The following LRRTM4 variants were observed in gnomAD, a reference collection of about 807,000 sequenced individuals.
LRRTM4 encodes leucine rich repeat transmembrane neuronal 4.
A neutral mutation model predicts 47.6 loss-of-function variants in LRRTM4; 25 were observed. The observed-to-expected ratio is 0.53, with a 90% CI of 0.38 to 0.73. LRRTM4 has a LOEUF of 0.73. Among genes scored for constraint, LRRTM4 ranks in the 30% least tolerant of loss-of-function variants. LRRTM4 has a pLI of 0.00. For synonymous variants in LRRTM4, 311 were observed against 269.5 expected (o/e 1.15, Z -1.51); for missense variants, 638 against 713.4 (o/e 0.89, Z 1.20).
At chr2:77,125,364 G>T (rs376090248) in intron 3 of LRRTM4, among the ~76,000 whole-genome samples, 107 of 152,266 alleles carry the variant, frequency 7.0e-4, no homozygotes, top group African/African-American at 2.4e-3. Flanking sequence ...ACAGATAGAG[G>T]TGCACATGAG....
chr2:76,972,508 C>G (rs1490757732), intron 3 of LRRTM4, among the ~76,000 whole-genome samples: 1 of 149,114 alleles, frequency 6.7e-6, no homozygotes, highest in African/African-American at 2.5e-5. Flanking sequence ...ACCTCTGCCT[C>G]CTGAGTTCAA....
intron 3 of LRRTM4, among the ~76,000 whole-genome samples, chr2:76,916,545 TAAATC>T (rs1174935512): frequency 6.6e-6 from 1 of 151,962 alleles, no homozygotes; most frequent in Non-Finnish European, 1.5e-5. Flanking sequence ...CAAGGGAAAA[TAAATC>T]AAATAGGCAA....
chr2:77,026,793 A>C (rs1196345230), intron 3 of LRRTM4, among the ~76,000 whole-genome samples: 1 of 152,148 alleles, frequency 6.6e-6, no homozygotes, highest in Non-Finnish European at 1.5e-5. Context: ...TGGGGAAGCC[A>C]CAATGTTAGA....
intron 3 of LRRTM4, among the ~76,000 whole-genome samples, chr2:76,942,599 C>G (rs1252300785): frequency 6.6e-6 from 1 of 150,756 alleles, no homozygotes. Flanking sequence ...GCTTCAACCC[C>G]AACATTTATG....
chr2:77,102,856 T>A (rs953300194), intron 3 of LRRTM4, among the ~76,000 whole-genome samples: 2 of 152,158 alleles, frequency 1.3e-5, no homozygotes, highest in African/African-American at 2.4e-5. Flanking sequence ...CTTATTTAAA[T>A]ATAGTCACAC....
At chr2:76,898,130 A>G (rs1164237644) in intron 3 of LRRTM4, among the ~76,000 whole-genome samples, 3 of 152,170 alleles carry the variant, frequency 2.0e-5, no homozygotes, top group Admixed American at 2.0e-4. Context: ...ATCTTGTTAT[A>G]CCCTTGTTTT....
chr2:77,269,190 TA>T (rs1676128655), intron 3 of LRRTM4, among the ~76,000 whole-genome samples: 1 of 152,174 alleles, frequency 6.6e-6, no homozygotes, highest in Non-Finnish European at 1.5e-5. Flanking sequence ...AACTGGTATT[TA>T]TTTGTGCATT....
At chr2:77,437,711 C>A (rs1224051479) in intron 3 of LRRTM4, among the ~76,000 whole-genome samples, 1 of 152,068 alleles carries the variant, frequency 6.6e-6, no homozygotes, top group Non-Finnish European at 1.5e-5. Flanking sequence ...TATTTAATGA[C>A]TATCTAGTTT....
At chr2:77,443,483 G>A (rs1675926451) in intron 3 of LRRTM4, among the ~76,000 whole-genome samples, 1 of 152,066 alleles carries the variant, frequency 6.6e-6, no homozygotes, top group Non-Finnish European at 1.5e-5. Flanking sequence ...TAGTAAAATG[G>A]ATGTTATAAA....
At chr2:76,780,042 C>G (rs1462681917) in intron 3 of LRRTM4, among the ~76,000 whole-genome samples, 2 of 152,246 alleles carry the variant, frequency 1.3e-5, no homozygotes, top group Non-Finnish European at 2.9e-5. Context: ...GCTGGATATG[C>G]AATTCTGGGT....
In LRRTM4 at chr2:77,519,253, T is replaced by G; in HGVS notation, c.616A>C (p.Lys206Gln). The change falls in exon 3 of 4, where the codon AAG becomes CAG. Residue 206 changes from lysine (K) to glutamine (Q), a missense_variant. Transcript: ENST00000409884. The surrounding 1 kb of genome is among the most constrained non-coding windows in gnomAD (Gnocchi z 4.6). The part of the protein sequence containing the change: ...LSRNAFAGLL[K>Q]LKELHLEHNQ... ...TGCTCCAGGTGGAGCTCCTTTAACT[T>G]CAAGAGGCCAGCAAATGCATTTCGG... The G allele has an allele frequency of 1.2e-6, 2 of 1,613,356 alleles. No homozygotes were observed. The highest frequency in any genetic ancestry group is 1.7e-6 in the Non-Finnish European group (2 of 1,179,586).
intron 3 of LRRTM4, among the ~76,000 whole-genome samples, chr2:76,885,491 C>T (rs77854575): frequency 0.11 from 14,346 of 135,056 alleles, 1,104 homozygotes; most frequent in East Asian, 0.4. Flanking sequence ...GAGACGAAGT[C>T]TCGCTCTGTC....
At chr2:77,420,867 AAT>A (rs530231153) in intron 3 of LRRTM4, among the ~76,000 whole-genome samples, 3 of 145,864 alleles carry the variant, frequency 2.1e-5, no homozygotes, top group African/African-American at 5.0e-5. Flanking sequence ...ACAAAATGGG[AAT>A]ATATATATAT....
At position 76,939,122 on chromosome 2, in the gene LRRTM4, A is replaced by C. The variant is rs141729252; in HGVS notation, c.1552-190206T>G. Among the ~76,000 whole-genome samples, 782 of 151,266 alleles carry C rather than the reference A, an allele frequency of 5.2e-3. 9 individuals carry two copies. Among genetic ancestry groups the C allele is most frequent in the African/African-American group, 0.018 (742 of 40,804 alleles). ...ACTAGAGGTGGGAATAATACTTTTTAGCAATTTTCTTTTACTGGTAACCTG... is the reference window on the plus strand; with the variant it reads ...ACTAGAGGTGGGAATAATACTTTTTCGCAATTTTCTTTTACTGGTAACCTG... On this transcript the variant is annotated intron_variant, in intron 3 of 3. Transcript: ENST00000409884.
At chr2:76,750,097 C>T (rs1672798789) in intron 3 of LRRTM4, among the ~76,000 whole-genome samples, 1 of 152,208 alleles carries the variant, frequency 6.6e-6, no homozygotes, top group Non-Finnish European at 1.5e-5. Flanking sequence ...GAGGGAATTG[C>T]TCCCATTGTT....
At chr2:77,036,169 T>C (rs1340875069) in intron 3 of LRRTM4, among the ~76,000 whole-genome samples, 2 of 151,766 alleles carry the variant, frequency 1.3e-5, no homozygotes, top group African/African-American at 4.8e-5. Flanking sequence ...GAAAGCATTA[T>C]GGTGGAATGA....
At chr2:77,251,499 C>A (rs1168856389) in intron 3 of LRRTM4, among the ~76,000 whole-genome samples, 1 of 151,820 alleles carries the variant, frequency 6.6e-6, no homozygotes, top group Non-Finnish European at 1.5e-5. Flanking sequence ...GAATATAGGA[C>A]CTCAGAAGTT....
intron 3 of LRRTM4, among the ~76,000 whole-genome samples, chr2:77,097,724 G>A (rs59241957): frequency 6.6e-6 from 1 of 151,938 alleles, no homozygotes; most frequent in Non-Finnish European, 1.5e-5. Context: ...GTTCATTGTT[G>A]TGGGGAAAAA....
At chr2:76,762,432 C>G (rs1673291655) in intron 3 of LRRTM4, among the ~76,000 whole-genome samples, 1 of 152,052 alleles carries the variant, frequency 6.6e-6, no homozygotes, top group Non-Finnish European at 1.5e-5. Flanking sequence ...AAAAATTCTA[C>G]CCTCACCTCT....
Sources: allele counts gnomAD v4.1 joint callset (sites outside exome capture counted in the v4.1 genomes callset), GRCh38; gene constraint gnomAD v4.1.1; non-coding constraint Gnocchi (gnomAD v3.1); transcripts MANE v1.5; gene names NCBI Gene and HGNC (gene_info 2026-07-23, HGNC 2026-07-21).